CLSTN2: variants seen among roughly 807,000 people sequenced by gnomAD.
CLSTN2 encodes the protein calsyntenin-2.
Under a neutral mutation model 101.2 loss-of-function variants are expected in CLSTN2, and 48 were observed. That is an observed-to-expected ratio of 0.47 (90% CI 0.38 to 0.60). The LOEUF is 0.60. Ranked by LOEUF, CLSTN2 falls within the 20% of genes least tolerant of loss-of-function variation. The pLI is 0.00. For missense variants in CLSTN2, 1,160 were observed against 1,238.2 expected (o/e 0.94, Z 0.95); for synonymous variants, 481 against 463.6 (o/e 1.04, Z -0.48).
intron 1 of CLSTN2, among the ~76,000 whole-genome samples, chr3:139,968,948 T>C (rs1379429497): frequency 6.6e-6 from 1 of 152,186 alleles, no homozygotes. Context: ...AACACTTTTT[T>C]CTCATATAGT....
At chr3:140,351,411 A>G (rs1156733940) in intron 2 of CLSTN2, among the ~76,000 whole-genome samples, 1 of 152,178 alleles carries the variant, frequency 6.6e-6, no homozygotes, top group African/African-American at 2.4e-5. Flanking sequence ...TACTACTAGC[A>G]TTTCCCCTTG....
At chr3:140,282,180 C>A (rs1185660229) in intron 2 of CLSTN2, among the ~76,000 whole-genome samples, 2 of 152,188 alleles carry the variant, frequency 1.3e-5, no homozygotes, top group African/African-American at 4.8e-5. Flanking sequence ...CATGAGCCAG[C>A]TCTGAATGGT....
At chr3:140,149,119 C>G (rs1327941708) in intron 1 of CLSTN2, among the ~76,000 whole-genome samples, 1 of 152,194 alleles carries the variant, frequency 6.6e-6, no homozygotes, top group African/African-American at 2.4e-5. Context: ...AACTTCACCC[C>G]CTTAGAAATG....
intron 1 of CLSTN2, among the ~76,000 whole-genome samples, chr3:140,016,881 G>A (rs1027653473): frequency 6.6e-6 from 1 of 151,532 alleles, no homozygotes; most frequent in Non-Finnish European, 1.5e-5. Flanking sequence ...TTAATCAACT[G>A]TTTATGTTAT....
chr3:140,542,279 T>C (rs1468257996), intron 9 of CLSTN2, among the ~76,000 whole-genome samples: 10 of 152,204 alleles, frequency 6.6e-5, no homozygotes, highest in Admixed American at 6.5e-4. Flanking sequence ...CTCAAATCCA[T>C]GTAAGCTCCT....
At chr3:140,134,342 G>C (rs1232123756) in intron 1 of CLSTN2, among the ~76,000 whole-genome samples, 1 of 152,110 alleles carries the variant, frequency 6.6e-6, no homozygotes, top group East Asian at 1.9e-4. Flanking sequence ...GCCAGAGTCT[G>C]TCTATCCCTT....
intron 2 of CLSTN2, among the ~76,000 whole-genome samples, chr3:140,238,548 A>G (rs1052860272): frequency 6.6e-6 from 1 of 152,178 alleles, no homozygotes; most frequent in Non-Finnish European, 1.5e-5. Context: ...GTAATCAGAG[A>G]TTTCTCTTCA....
chr3:140,217,956 C>A (rs1387142895), intron 2 of CLSTN2, among the ~76,000 whole-genome samples: 1 of 152,156 alleles, frequency 6.6e-6, no homozygotes, highest in African/African-American at 2.4e-5. Flanking sequence ...TGAACTGTAT[C>A]CCCACTCAAA....
chr3:140,090,271 A>T (rs1220769748), intron 1 of CLSTN2, among the ~76,000 whole-genome samples: 2 of 151,842 alleles, frequency 1.3e-5, no homozygotes, highest in Non-Finnish European at 2.9e-5. Flanking sequence ...GTTTATGGTC[A>T]TGCTGACCTT....
At chr3:140,531,831 G>A (rs1177134777) in intron 8 of CLSTN2, among the ~76,000 whole-genome samples, 5 of 152,164 alleles carry the variant, frequency 3.3e-5, no homozygotes, top group African/African-American at 9.7e-5. Context: ...GGGCACTTGT[G>A]GTTTCCCAGA....
At chr3:140,086,445 G>A (rs745307154) in intron 1 of CLSTN2, among the ~76,000 whole-genome samples, 1 of 152,188 alleles carries the variant, frequency 6.6e-6, no homozygotes, top group African/African-American at 2.4e-5. Flanking sequence ...AATATTGATA[G>A]TACTTACCTG....
At chr3:140,127,599 C>T (rs945675459) in intron 1 of CLSTN2, among the ~76,000 whole-genome samples, 15 of 152,038 alleles carry the variant, frequency 9.9e-5, no homozygotes, top group East Asian at 1.9e-4. Context: ...TGGGATGAGG[C>T]GGCTGTCAGG....
At chr3:140,062,430 G>A (rs2008223165) in intron 1 of CLSTN2, among the ~76,000 whole-genome samples, 1 of 152,116 alleles carries the variant, frequency 6.6e-6, no homozygotes, top group South Asian at 2.1e-4. Context: ...GTGTGATGTG[G>A]GTTTTAAGTG....
At chr3:140,134,980 A>G (rs2009584283) in intron 1 of CLSTN2, among the ~76,000 whole-genome samples, 2 of 151,446 alleles carry the variant, frequency 1.3e-5, no homozygotes, top group Non-Finnish European at 2.9e-5. Flanking sequence ...TCCTTGCCCC[A>G]GGATATTGTT....
intron 2 of CLSTN2, among the ~76,000 whole-genome samples, chr3:140,234,131 A>T (rs1213627184): frequency 1.3e-5 from 2 of 152,270 alleles, no homozygotes; most frequent in African/African-American, 4.8e-5. Flanking sequence ...TATGCAAGGC[A>T]TAACCCGAGA....
At chr3:140,077,876 T>TTC (rs2008518985) in intron 1 of CLSTN2, among the ~76,000 whole-genome samples, 1 of 98,450 alleles carries the variant, frequency 1.0e-5, no homozygotes, top group South Asian at 2.8e-4. Context: ...GTTTGATAAT[T>TTC]TATATGAACT....
chr3:140,450,923 AG>A (rs1933232732), intron 6 of CLSTN2, among the ~76,000 whole-genome samples: 2 of 152,246 alleles, frequency 1.3e-5, no homozygotes. Context: ...GCAGTAGATC[AG>A]AAAAATCACC....
At chr3:140,534,021 A>G (rs1277242834) in intron 9 of CLSTN2, among the ~76,000 whole-genome samples, 1 of 152,208 alleles carries the variant, frequency 6.6e-6, no homozygotes, top group Non-Finnish European at 1.5e-5. Context: ...CAATGAGAGT[A>G]TCTTCAGTTG....
intron 1 of CLSTN2, among the ~76,000 whole-genome samples, chr3:140,054,276 C>G (rs1425358252): frequency 2.0e-5 from 3 of 152,164 alleles, no homozygotes; most frequent in Non-Finnish European, 4.4e-5. Context: ...GAATCTTATA[C>G]TGTCATTTTT....
Sources: gnomAD v4.1 joint callset for allele counts (sites outside exome capture counted in the v4.1 genomes callset) on GRCh38, gnomAD v4.1.1 for gene constraint, MANE v1.5 for transcripts, NCBI Gene and HGNC (gene_info 2026-07-23, HGNC 2026-07-21) for gene names.